QKI: variants seen among roughly 807,000 people sequenced by gnomAD.
QKI encodes QKI, KH domain containing RNA binding.
In QKI, 10 loss-of-function variants were observed where a neutral mutation model predicts 39.0. That is an observed-to-expected ratio of 0.26 (90% CI 0.16 to 0.43). The LOEUF (loss-of-function observed/expected upper bound fraction) is 0.43, where lower values mean the gene tolerates loss of function less well. Among genes scored for constraint, QKI ranks in the 20% least tolerant of loss-of-function variants. QKI has a pLI of 1.00. For missense variants in QKI, 218 were observed against 428.0 expected, an observed-to-expected ratio of 0.51 and a Z score of 4.33; for synonymous variants, 204 against 155.4, an observed-to-expected ratio of 1.31 and a Z score of -2.33.
intron 6 of QKI, chr6:163,564,735 C>T (rs770735916): frequency 6.2e-7 from 1 of 1,613,966 alleles, no homozygotes. Context: ...GACTAGAATA[C>T]AGCAGCTGTT....
At position 163,572,743 on chromosome 6, in the gene QKI, A is replaced by T. The variant is rs555363851; in HGVS notation, c.*2033A>T. 7.6e-6 allele frequency: 1 copy of T among 131,424 alleles called. No individual in the cohort carries two copies. The highest frequency in any genetic ancestry group is 2.9e-5 in the African/African-American group (1 of 34,290). The allele number at this position is 131,424 out of a possible 1,614,324, so 8.1% of individuals were successfully genotyped here. Reference sequence around the variant, plus strand: ...CCCAGCATCACAGTCAGAGGTCAGCAGGAAGCTGAGTCATTACCTTCTTGG... The same window carrying T: ...CCCAGCATCACAGTCAGAGGTCAGCTGGAAGCTGAGTCATTACCTTCTTGG... On this transcript the variant is annotated 3_prime_UTR_variant, in exon 8 of 8. Transcript: ENST00000361752.
At chr6:163,531,223 C>G (rs1302364217) in intron 3 of QKI, among the ~76,000 whole-genome samples, 1 of 152,166 alleles carries the variant, frequency 6.6e-6, no homozygotes, top group African/African-American at 2.4e-5. Context: ...TTCAAGTCTC[C>G]TGTCCCCAAG....
chr6:163,448,701 C>T (rs1790335859), intron 1 of QKI, among the ~76,000 whole-genome samples: 1 of 152,100 alleles, frequency 6.6e-6, no homozygotes, highest in Non-Finnish European at 1.5e-5. Context: ...TGTGCCATTG[C>T]ACTCCAGCCT....
At chr6:163,443,192 T>C (rs747126238) in intron 1 of QKI, among the ~76,000 whole-genome samples, 1 of 152,264 alleles carries the variant, frequency 6.6e-6, no homozygotes, top group African/African-American at 2.4e-5. Context: ...ATATTTTTGC[T>C]GAATTTTATT....
At chr6:163,475,721 A>G (rs1792539545) in intron 2 of QKI, among the ~76,000 whole-genome samples, 1 of 152,230 alleles carries the variant, frequency 6.6e-6, no homozygotes, top group Non-Finnish European at 1.5e-5. Flanking sequence ...TAACACAGAC[A>G]TCAATTCCTG....
chr6:163,457,466 C>T (rs1791003366), intron 2 of QKI: 1 of 455,862 alleles, frequency 2.2e-6, no homozygotes, highest in African/African-American at 2.0e-5. Flanking sequence ...TCTCAAAACA[C>T]AGTCCTTGGA....
chr6:163,550,281 G>A (rs1461285538), intron 4 of QKI, among the ~76,000 whole-genome samples: 1 of 152,048 alleles, frequency 6.6e-6, no homozygotes, highest in Non-Finnish European at 1.5e-5. Context: ...TGTTCGCCCA[G>A]GTCTGTCTTC....
chr6:163,570,890 T>C lies in QKI; in HGVS notation c.*180T>C. 1 of 739,770 alleles carries C rather than the reference T, an allele frequency of 1.4e-6. No homozygotes were observed. The highest frequency in any genetic ancestry group is 2.1e-6 in the Non-Finnish European group (1 of 484,854). 45.8% of individuals were successfully genotyped at this position (739,770 alleles called of 1,614,324 possible). On this transcript the variant is annotated 3_prime_UTR_variant, in exon 8 of 8. Coordinates refer to ENST00000361752, the MANE Select transcript of QKI (RefSeq NM_006775.3). ...GACAAAGAAATTGTTGTCCTCCAAC[T>C]CAGCTTTTTTTTTTTTTTTTTCCTG...
chr6:163,480,409 GGGTATCTGA>G (rs1792988206), intron 3 of QKI, among the ~76,000 whole-genome samples: 1 of 152,120 alleles, frequency 6.6e-6, no homozygotes, highest in African/African-American at 2.4e-5. Context: ...CAAACCCACA[GGGTATCTGA>G]TAAACTTGTT....
intron 3 of QKI, among the ~76,000 whole-genome samples, chr6:163,532,891 A>G (rs917069137): frequency 2.6e-5 from 4 of 152,144 alleles, no homozygotes; most frequent in African/African-American, 9.7e-5. Context: ...GGGGGCAGTT[A>G]TAGGCTCACC....
chr6:163,468,584 T>C (rs1201112830), intron 2 of QKI, among the ~76,000 whole-genome samples: 1 of 152,216 alleles, frequency 6.6e-6, no homozygotes, highest in Non-Finnish European at 1.5e-5. Context: ...GCATTAGACA[T>C]AATTGTTGTT....
intron 3 of QKI, among the ~76,000 whole-genome samples, chr6:163,480,280 T>TC (rs976698739): frequency 2.6e-5 from 4 of 152,094 alleles, no homozygotes; most frequent in Non-Finnish European, 4.4e-5. Flanking sequence ...TCTCTCTCTT[T>TC]CTTCCTTCCT....
intron 2 of QKI, among the ~76,000 whole-genome samples, chr6:163,465,626 CA>C (rs35130458): frequency 0.23 from 22,148 of 95,638 alleles, 1,672 homozygotes; most frequent in East Asian, 0.33. Context: ...AAGACTGTCT[CA>C]AAAAAAAAAA....
chr6:163,419,270 G>C (rs186309023), intron 1 of QKI, among the ~76,000 whole-genome samples: 2 of 151,094 alleles, frequency 1.3e-5, no homozygotes, highest in East Asian at 3.9e-4. Context: ...TTCTGCCTCT[G>C]TTATTGGATG....
intron 3 of QKI, among the ~76,000 whole-genome samples, chr6:163,496,561 A>G: frequency 6.6e-6 from 1 of 152,102 alleles, no homozygotes; most frequent in South Asian, 2.1e-4. Flanking sequence ...ACCAGAGTGA[A>G]TTTAAAGAAT....
intron 4 of QKI, among the ~76,000 whole-genome samples, chr6:163,557,567 T>A (rs990848845): frequency 2.0e-5 from 3 of 152,156 alleles, no homozygotes; most frequent in African/African-American, 7.2e-5. Context: ...TGGGAATGGT[T>A]GACGGGTACG....
intron 1 of QKI, among the ~76,000 whole-genome samples, chr6:163,417,021 T>G (rs1787570271): frequency 6.6e-6 from 1 of 152,212 alleles, no homozygotes; most frequent in African/African-American, 2.4e-5. Context: ...GAACAAAATG[T>G]GTAACATACT....
intron 2 of QKI, among the ~76,000 whole-genome samples, chr6:163,458,924 G>A (rs73784407): frequency 6.6e-6 from 1 of 152,126 alleles, no homozygotes; most frequent in African/African-American, 2.4e-5. Flanking sequence ...GTCAGGCCTA[G>A]GTTTTGAATT....
At chr6:163,544,138 A>G (rs1781720776) in intron 4 of QKI, among the ~76,000 whole-genome samples, 1 of 152,096 alleles carries the variant, frequency 6.6e-6, no homozygotes, top group Non-Finnish European at 1.5e-5. Flanking sequence ...CATGGATTCA[A>G]CCAATGAGGA....
Sources: gnomAD v4.1 joint callset for allele counts (sites outside exome capture counted in the v4.1 genomes callset) on GRCh38, gnomAD v4.1.1 for gene constraint, MANE v1.5 for transcripts, NCBI Gene and HGNC (gene_info 2026-07-23, HGNC 2026-07-21) for gene names.